Variants in C16orf89 observed in about 807,000 individuals in gnomAD.
The protein encoded by C16orf89 is UPF0764 protein C16orf89.
In C16orf89, 57 loss-of-function variants were observed where a neutral mutation model predicts 41.5. That is an observed-to-expected ratio of 1.38 (90% CI 1.11 to 1.71). The LOEUF (loss-of-function observed/expected upper bound fraction) is 1.71, where lower values mean the gene tolerates loss of function less well. Ranked by LOEUF, C16orf89 falls within the 40% of genes most tolerant of loss-of-function variation. C16orf89 has a pLI of 0.00. For synonymous variants in C16orf89, 223 were observed against 190.6 expected, an observed-to-expected ratio of 1.17 and a Z score of -1.40; for missense variants, 575 against 445.9, an observed-to-expected ratio of 1.29 and a Z score of -2.61.
Position 5,047,192 on chromosome 16 carries a change from C to T in C16orf89, c.955+686G>A, listed in dbSNP as rs150265691. Among the ~76,000 whole-genome samples, 710 of 152,298 alleles carry T rather than the reference C, an allele frequency of 4.7e-3. 3 individuals are homozygous for T. Among genetic ancestry groups the T allele is most frequent in the Non-Finnish European group, 7.3e-3 (495 of 68,026 alleles). On this transcript the variant is annotated intron_variant, in intron 7 of 7. Coordinates refer to ENST00000472572, the MANE Select transcript of C16orf89 (RefSeq NM_001098514.3). ...CCCCTGCAGGCCCTATTAACACTGCCTCCTCCTGCCATTCTCCAGCTCTAG... is the reference window on the plus strand; with the variant it reads ...CCCCTGCAGGCCCTATTAACACTGCTTCCTCCTGCCATTCTCCAGCTCTAG...
intron 6 of C16orf89, among the ~76,000 whole-genome samples, chr16:5,049,564 A>G (rs1034822726): frequency 1.3e-5 from 2 of 152,258 alleles, no homozygotes; most frequent in African/African-American, 4.8e-5. Flanking sequence ...TCAAAATTGT[A>G]CAAATACAGG....
chr16:5,051,377 A>G (rs2142620442), intron 6 of C16orf89, among the ~76,000 whole-genome samples: 1 of 151,838 alleles, frequency 6.6e-6, no homozygotes, highest in Admixed American at 6.5e-5. Flanking sequence ...GAATAAACAT[A>G]CAAAAAATCA....
At chr16:5,057,029 G>C (rs1596697050) in intron 4 of C16orf89, among the ~76,000 whole-genome samples, 1 of 122,652 alleles carries the variant, frequency 8.2e-6, no homozygotes, top group African/African-American at 2.7e-5. Flanking sequence ...CACGAGGTCC[G>C]GAATTCAAGA....
chr16:5,050,293 G>A (rs374570176), intron 6 of C16orf89, among the ~76,000 whole-genome samples: 11 of 152,150 alleles, frequency 7.2e-5, no homozygotes, highest in African/African-American at 2.2e-4. Flanking sequence ...ACTTGAACCC[G>A]GGAGGTGGAG....
Position 5,044,487 on chromosome 16 carries a change from G to A in C16orf89, c.956-9C>T. ...GTGGGAGGAGCAGCCATCTAGGGGA[G>A]AGAGCCCCCATGAGTGCTGGGTGGC... On this transcript the variant is annotated splice_polypyrimidine_tract_variant and intron_variant, in intron 7 of 7. Coordinates refer to ENST00000472572, the MANE Select transcript of C16orf89 (RefSeq NM_001098514.3). 6.2e-7 allele frequency: 1 copy of A among 1,612,080 alleles called. No homozygotes were observed. Among genetic ancestry groups the A allele is most frequent in the Non-Finnish European group, 8.5e-7 (1 of 1,179,302 alleles).
chr16:5,061,496 A>AC (rs1259976430), intron 2 of C16orf89, among the ~76,000 whole-genome samples: 2 of 70,994 alleles, frequency 2.8e-5, no homozygotes, highest in Admixed American at 1.8e-4. Flanking sequence ...AAAAAAAAAA[A>AC]AAAAAAAACC....
intron 4 of C16orf89, 63 bp downstream of exon 4, chr16:5,058,430 G>T: frequency 2.1e-6 from 3 of 1,425,242 alleles, no homozygotes; most frequent in Non-Finnish European, 1.9e-6. Flanking sequence ...ACCACGTCCG[G>T]CTGCCCCTTT....
At chr16:5,056,332 T>A (rs999457733) in intron 4 of C16orf89, 144 bp from the exon 5 acceptor site, 3 of 696,868 alleles carry the variant, frequency 4.3e-6, no homozygotes, top group Non-Finnish European at 6.4e-6. Context: ...CTTTTTCTCC[T>A]TTTCGCAGGA....
At chr16:5,055,917 ACTTG>A (rs1350364071) in intron 5 of C16orf89, 132 bp downstream of exon 5, 1 of 1,234,484 alleles carries the variant, frequency 8.1e-7, no homozygotes, top group Non-Finnish European at 1.1e-6. Context: ...CTGTATTTTT[ACTTG>A]CTTAATCTGG....
At chr16:5,057,468 C>A (rs932711821) in intron 4 of C16orf89, among the ~76,000 whole-genome samples, 2 of 145,646 alleles carry the variant, frequency 1.4e-5, no homozygotes, top group African/African-American at 5.1e-5. Context: ...AATATATATA[C>A]TGGTGTGTGT....
chr16:5,055,371 C>T (rs756794678), intron 5 of C16orf89, 21 bp from the exon 6 acceptor site: 1 of 1,561,818 alleles, frequency 6.4e-7, no homozygotes, highest in Non-Finnish European at 8.7e-7. Flanking sequence ...AGACGGGGGC[C>T]CTCTGCAGGC....
chr16:5,043,461 C>A (rs1248654786), downstream of C16orf89: 1 of 152,204 alleles, frequency 6.6e-6, no homozygotes, highest in African/African-American at 2.4e-5. Context: ...ATTCAGGCAG[C>A]CTGGCCACAG....
intron 4 of C16orf89, among the ~76,000 whole-genome samples, chr16:5,057,176 G>T (rs886590351): frequency 1.3e-5 from 2 of 150,704 alleles, no homozygotes; most frequent in African/African-American, 4.9e-5. Context: ...GGCAGAGGTT[G>T]CAGTGAGCTG....
Position 5,060,310 on chromosome 16 carries a change from C to T in C16orf89, c.485G>A (p.Cys162Tyr). Residue 162 changes from cysteine (C) to tyrosine (Y), a missense_variant, in exon 3 of 8, where the codon TGC becomes TAC. By Grantham distance (194) the Cys-to-Tyr change is radical. Coordinates refer to ENST00000472572, the MANE Select transcript of C16orf89 (RefSeq NM_001098514.3). ...DSFSEERSDV[C>Y]LVQLLGTGTD... ...CCCGGTTCCCAGCAGCTGCACCAGG[C>T]ACACGTCACTTCTCTCCTCTGAGAA... 1.9e-6 allele frequency: 3 copies of T among 1,611,526 alleles called. No homozygotes were observed. Among genetic ancestry groups the T allele is most frequent in the Non-Finnish European group, 2.5e-6 (3 of 1,178,850 alleles).
chr16:5,064,472 G>A (rs1319634856), intron 1 of C16orf89, among the ~76,000 whole-genome samples: 1 of 152,228 alleles, frequency 6.6e-6, no homozygotes, highest in Non-Finnish European at 1.5e-5. Context: ...GCATGATCGT[G>A]TGATACTCCC....
rs752543243 is a variant in C16orf89, at chr16:5,062,568, A to G, written c.215T>C (p.Leu72Pro). ...MVGVRVLEEQ[L>P]KSVREKWAQE... ...GGCCCACTTCTCCCGGACACTTTTT[A>G]GCTGCTCTGGAAGGGAACAGAGTTA... Residue 72 changes from leucine (L) to proline (P), a missense_variant, in exon 2 of 8, where the codon CTA becomes CCA. Coordinates refer to ENST00000472572, the MANE Select transcript of C16orf89 (RefSeq NM_001098514.3). 7 of 1,609,928 alleles carry G rather than the reference A, an allele frequency of 4.3e-6. No individual in the cohort carries two copies. The highest frequency in any genetic ancestry group is 5.9e-6 in the Non-Finnish European group (7 of 1,178,112).
chr16:5,061,955 A>C (rs1272852184), intron 2 of C16orf89, among the ~76,000 whole-genome samples: 1 of 152,224 alleles, frequency 6.6e-6, no homozygotes, highest in African/African-American at 2.4e-5. Context: ...GTCATAAGGC[A>C]TGAGAAAGAT....
At chr16:5,057,231 C>G (rs578198207) in intron 4 of C16orf89, among the ~76,000 whole-genome samples, 2 of 133,788 alleles carry the variant, frequency 1.5e-5, no homozygotes, top group African/African-American at 2.8e-5. Context: ...AGTGAGACTC[C>G]ATCTCAAAAA....
At chr16:5,053,016 G>A (rs112828316) in intron 6 of C16orf89, among the ~76,000 whole-genome samples, 4 of 152,196 alleles carry the variant, frequency 2.6e-5, no homozygotes, top group African/African-American at 7.2e-5. Context: ...ATTGAAGTAA[G>A]CCAGGCATGG....
Sources: allele counts gnomAD v4.1 joint callset (sites outside exome capture counted in the v4.1 genomes callset), GRCh38; gene constraint gnomAD v4.1.1; transcripts MANE v1.5; gene names NCBI Gene and HGNC (gene_info 2026-07-23, HGNC 2026-07-21).